RSPO2: variants seen among roughly 807,000 people sequenced by gnomAD.
RSPO2 encodes R-spondin 2.
A neutral mutation model predicts 30.9 loss-of-function variants in RSPO2; 14 were observed. That is an observed-to-expected ratio of 0.45 (90% CI 0.30 to 0.71). RSPO2 has a LOEUF of 0.71. Among genes scored for constraint, RSPO2 ranks in the 30% least tolerant of loss-of-function variants. The probability of loss-of-function intolerance (pLI) is 0.08; values close to 1 mark genes in which losing one functional copy is unlikely to be tolerated. For synonymous variants in RSPO2, 107 were observed against 96.4 expected (o/e 1.11, Z -0.64); for missense variants, 264 against 301.9 (o/e 0.87, Z 0.93).
chr8:108,058,083 G>T (rs892389305), intron 2 of RSPO2, among the ~76,000 whole-genome samples: 1 of 151,818 alleles, frequency 6.6e-6, no homozygotes, highest in Non-Finnish European at 1.5e-5. Context: ...TCCAGTTTTT[G>T]CCCATTCAGT....
chr8:107,909,259 GT>G (rs11292252), intron 5 of RSPO2, among the ~76,000 whole-genome samples: 16,705 of 91,118 alleles, frequency 0.18, 1,520 homozygotes, highest in Middle Eastern at 0.39. Context: ...TTTCCCAGTT[GT>G]TTTTTTTTTT....
chr8:108,021,456 C>T (rs1397137847), intron 2 of RSPO2, among the ~76,000 whole-genome samples: 1 of 152,172 alleles, frequency 6.6e-6, no homozygotes, highest in Non-Finnish European at 1.5e-5. Flanking sequence ...AAGGCCCATT[C>T]CTTTTCAGTT....
At chr8:108,023,106 T>C (rs1260638069) in intron 2 of RSPO2, among the ~76,000 whole-genome samples, 1 of 152,168 alleles carries the variant, frequency 6.6e-6, no homozygotes, top group African/African-American at 2.4e-5. Flanking sequence ...AGAGGGAGAT[T>C]CATTGATTGA....
At chr8:107,974,100 A>G (rs1183345532) in intron 3 of RSPO2, among the ~76,000 whole-genome samples, 1 of 152,172 alleles carries the variant, frequency 6.6e-6, no homozygotes, top group East Asian at 1.9e-4. Context: ...CAGGGGTGCC[A>G]ACTTCATATT....
chr8:107,943,436 C>T (rs1246509286), intron 5 of RSPO2, among the ~76,000 whole-genome samples: 1 of 152,276 alleles, frequency 6.6e-6, no homozygotes, highest in Non-Finnish European at 1.5e-5. Context: ...TGAGCAAGTT[C>T]TTAATAAATG....
chr8:107,978,834 G>GA (rs911743226), intron 3 of RSPO2, among the ~76,000 whole-genome samples: 54 of 152,026 alleles, frequency 3.6e-4, no homozygotes, highest in African/African-American at 1.2e-3. Context: ...AAATTTACCA[G>GA]AAAAAAACAA....
chr8:107,960,308 A>G (rs1813585061), intron 4 of RSPO2, among the ~76,000 whole-genome samples: 1 of 152,050 alleles, frequency 6.6e-6, no homozygotes, highest in Non-Finnish European at 1.5e-5. Flanking sequence ...CACACATAGC[A>G]GGAGCAATAG....
intron 2 of RSPO2, among the ~76,000 whole-genome samples, chr8:108,010,655 G>A (rs1022186567): frequency 5.3e-5 from 8 of 152,060 alleles, no homozygotes; most frequent in African/African-American, 1.9e-4. Context: ...GGTTGACGTG[G>A]GAGCAGATGC....
chr8:108,019,544 C>A (rs958244217), intron 2 of RSPO2, among the ~76,000 whole-genome samples: 1 of 152,054 alleles, frequency 6.6e-6, no homozygotes, highest in Non-Finnish European at 1.5e-5. Context: ...CGGTCTGAGC[C>A]AATTCTCAGT....
At chr8:108,049,058 T>C (rs575881365) in intron 2 of RSPO2, among the ~76,000 whole-genome samples, 1 of 152,146 alleles carries the variant, frequency 6.6e-6, no homozygotes, top group East Asian at 2.0e-4. Flanking sequence ...TTCTGTTCTT[T>C]TACATTTGCT....
intron 2 of RSPO2, among the ~76,000 whole-genome samples, chr8:108,000,978 G>A (rs1210231986): frequency 6.6e-6 from 1 of 150,662 alleles, no homozygotes; most frequent in Non-Finnish European, 1.5e-5. Flanking sequence ...CTCCAGCCTG[G>A]GTGACAAGAG....
chr8:107,976,663 C>T (rs926298112), intron 3 of RSPO2, among the ~76,000 whole-genome samples: 7 of 152,138 alleles, frequency 4.6e-5, no homozygotes, highest in African/African-American at 1.4e-4. Flanking sequence ...ATGTAGTTCA[C>T]TCATTGTTAA....
At chr8:107,935,488 C>T (rs1198682677) in intron 5 of RSPO2, among the ~76,000 whole-genome samples, 1 of 151,906 alleles carries the variant, frequency 6.6e-6, no homozygotes, top group Non-Finnish European at 1.5e-5. Context: ...AAATTAGAGA[C>T]AACTGCCCAA....
chr8:107,914,487 A>G (rs1480250508), intron 5 of RSPO2, among the ~76,000 whole-genome samples: 1 of 152,102 alleles, frequency 6.6e-6, no homozygotes, highest in African/African-American at 2.4e-5. Flanking sequence ...ACCTTTTAAC[A>G]TTTCTATTAT....
chr8:108,017,042 A>T (rs1256594488), intron 2 of RSPO2, among the ~76,000 whole-genome samples: 1 of 148,962 alleles, frequency 6.7e-6, no homozygotes, highest in Non-Finnish European at 1.5e-5. Flanking sequence ...TTTGAGACAG[A>T]GTTTCACTCT....
chr8:108,065,487 C>T (rs910780850), intron 2 of RSPO2, among the ~76,000 whole-genome samples: 1 of 151,888 alleles, frequency 6.6e-6, no homozygotes, highest in Non-Finnish European at 1.5e-5. Flanking sequence ...AAATTTTTGA[C>T]TTCACTGGAT....
intron 2 of RSPO2, among the ~76,000 whole-genome samples, chr8:108,059,524 A>G (rs967073996): frequency 3.3e-5 from 5 of 151,574 alleles, no homozygotes; most frequent in Non-Finnish European, 7.3e-5. Context: ...AGGACTATAA[A>G]TCACGCTGCT....
At chr8:107,957,016 T>C (rs905426662) in intron 5 of RSPO2, among the ~76,000 whole-genome samples, 5 of 152,200 alleles carry the variant, frequency 3.3e-5, no homozygotes, top group South Asian at 2.1e-4. Context: ...GCTTTCCTAA[T>C]AGTAGCTTCT....
intron 2 of RSPO2, among the ~76,000 whole-genome samples, chr8:108,023,908 C>T (rs1435811179): frequency 2.0e-5 from 3 of 152,016 alleles, no homozygotes; most frequent in Admixed American, 6.6e-5. Flanking sequence ...AAACCAGTTA[C>T]CCAAATTCTT....
Sources: allele counts gnomAD v4.1 joint callset (sites outside exome capture counted in the v4.1 genomes callset), GRCh38; gene constraint gnomAD v4.1.1; transcripts MANE v1.5; gene names NCBI Gene and HGNC (gene_info 2026-07-23, HGNC 2026-07-21).